The following SIGLEC14 variants were observed in gnomAD, a reference collection of about 807,000 sequenced individuals.
SIGLEC14 encodes sialic acid-binding Ig-like lectin 14.
SIGLEC14 carries 11 observed loss-of-function variants against 34.2 expected under a neutral mutation model. That is an observed-to-expected ratio of 0.32 (90% CI 0.20 to 0.53). The LOEUF is 0.53. Ranked by LOEUF, SIGLEC14 falls within the 20% of genes least tolerant of loss-of-function variation. The pLI, the probability that SIGLEC14 is intolerant of heterozygous loss-of-function variation, is 0.95. For missense variants in SIGLEC14, 264 were observed against 439.0 expected, an observed-to-expected ratio of 0.60 and a Z score of 3.56; for synonymous variants, 99 against 179.7, an observed-to-expected ratio of 0.55 and a Z score of 3.59.
rs1437720936 is a variant in SIGLEC14 at position 51,641,605 on chromosome 19, G to C, written c.*1750C>G. On this transcript the variant is annotated 3_prime_UTR_variant, in exon 7 of 7. Coordinates refer to ENST00000360844, the MANE Select transcript of SIGLEC14 (RefSeq NM_001098612.3). Reference sequence around the variant, plus strand: ...GTACATATACACCATGGAATACTAAGCAGCCATAAAAAAGAATGAGATTAT... The same window carrying C: ...GTACATATACACCATGGAATACTAACCAGCCATAAAAAAGAATGAGATTAT... Among the ~76,000 whole-genome samples the C allele has an allele frequency of 7.2e-6, 1 of 139,582 alleles. No homozygotes were observed. The highest frequency in any genetic ancestry group is 1.5e-5 in the Non-Finnish European group (1 of 65,118). 91.6% of individuals were successfully genotyped at this position (139,582 alleles called of 152,430 possible).
At position 51,643,222 on chromosome 19, in the gene SIGLEC14, G is replaced by A. The variant is rs1443619103; in HGVS notation, c.*133C>T. On this transcript the variant is annotated 3_prime_UTR_variant, in exon 7 of 7. Transcript: ENST00000360844. ...CAAGCAGAGGGGAATAAGTAGAAGG[G>A]GTATGGGGCAGGAAGGAAAAGAGGG... 1 of 853,730 alleles carries A rather than the reference G, an allele frequency of 1.2e-6. No individual in the cohort carries two copies. Among genetic ancestry groups the A allele is most frequent in the South Asian group, 1.5e-5 (1 of 68,926 alleles). The allele number at this position is 853,730 out of a possible 1,614,324, so 52.9% of individuals were successfully genotyped here.
In SIGLEC14 at chr19:51,643,993, C is replaced by A; in HGVS notation, c.798G>T (p.Glu266Asp). 3 of 1,529,092 alleles carry A rather than the reference C, an allele frequency of 2.0e-6. No homozygotes were observed. The highest frequency in any genetic ancestry group is 1.2e-5 in the South Asian group (1 of 82,612). 94.7% of individuals were successfully genotyped at this position (1,529,092 alleles called of 1,614,324 possible). ...LSNGMSVPIQ[E>D]GQSLFLACTV... Reference sequence around the variant, plus strand: ...TGCAGGCGAGGAACAGGGACTGGCCCTCCTGGATGGGCACCGACATGCCAT... The same window carrying A: ...TGCAGGCGAGGAACAGGGACTGGCCATCCTGGATGGGCACCGACATGCCAT... Residue 266 changes from glutamate to aspartate, a missense_variant, in exon 5 of 7, where the codon GAG (glutamate) becomes GAT (aspartate). This residue lies in a region of SIGLEC14 where 149 missense variants were observed against 184.4 expected (regional missense o/e 0.81). Transcript: ENST00000360844.
chr19:51,643,596 C>T lies in SIGLEC14; in HGVS notation c.1089G>A (p.Gly363=). The T allele has an allele frequency of 6.5e-7, 1 of 1,529,950 alleles. No individual in the cohort carries two copies. The highest frequency in any genetic ancestry group is 8.8e-7 in the Non-Finnish European group (1 of 1,140,408). The allele number at this position is 1,529,950 out of a possible 1,614,324, so 94.8% of individuals were successfully genotyped here. ...SWPLVLTLIR[G]ALMGAGFLLT... ...GGAGGAAGCCAGCCCCCATGAGAGC[C>T]CCCCTGATCAGGGTGAGGACGAGGG... Residue 363 remains glycine (G), a synonymous_variant, in exon 6 of 7, where the codon GGG becomes GGA. Coordinates refer to ENST00000360844, the MANE Select transcript of SIGLEC14 (RefSeq NM_001098612.3).
chr19:51,643,487 A>ACCCCCC, intron 6 of SIGLEC14, 50 bp downstream of exon 6: 3 of 1,299,142 alleles, frequency 2.3e-6, no homozygotes, highest in Non-Finnish European at 3.0e-6. Flanking sequence ...AGGACAGCTC[A>ACCCCCC]GCCCCACCTG....
rs200222887 is a variant in SIGLEC14, at chr19:51,646,307, C to T, written c.371G>A (p.Arg124Lys). 1,357 of 1,358,134 alleles carry T rather than the reference C, an allele frequency of 1.0e-3. 328 individuals carry two copies. The African/African-American group carries it at 0.019, about 19-fold the overall frequency. 84.1% of individuals were successfully genotyped at this position (1,358,134 alleles called of 1,614,324 possible). A position where few individuals can be genotyped will look rare whatever the true frequency, so the allele number is the denominator to read the frequency against. The change falls in exon 2 of 7, where the codon AGG becomes AAG. Residue 124 changes from arginine (R) to lysine (K), a missense_variant. By Grantham distance (26) the Arg-to-Lys change is conservative (BLOSUM62 2). Around this residue, in one of 5 missense-constraint regions of SIGLEC14, gnomAD observed 31 missense variants for 67.4 expected, o/e 0.46. Transcript: ENST00000360844. Reference sequence around the variant, plus strand: ...CTGTTGGTAGCTATATTTTACATCCCTTCCTCTCTCCACGCGGAAGAAATA... The same window carrying T: ...CTGTTGGTAGCTATATTTTACATCCTTTCCTCTCTCCACGCGGAAGAAATA... ...GSYFFRVERG[R>K]DVKYSYQQNK...
In SIGLEC14 at chr19:51,640,232, A is replaced by G. The variant is rs1458682087; in HGVS notation, c.*3123T>C. ...AAGTTATAAGCTTTGAATGGGGAAA[A>G]AAAACTACTTGGGAAATGGGATAAA... is the stretch of plus-strand genomic sequence containing the variant. On this transcript the variant is annotated 3_prime_UTR_variant, in exon 7 of 7. Transcript: ENST00000360844. 1.4e-5 allele frequency among the ~76,000 whole-genome samples: 2 copies of G among 139,742 alleles called. 1 individual carries two copies. Among genetic ancestry groups the G allele is most frequent in the South Asian group, 4.8e-4 (2 of 4,168 alleles). 91.7% of individuals were successfully genotyped at this position (139,742 alleles called of 152,430 possible).
At chr19:51,644,705 G>A (rs1017538716) in intron 4 of SIGLEC14, among the ~76,000 whole-genome samples, 2 of 137,838 alleles carry the variant, frequency 1.5e-5, no homozygotes, top group Non-Finnish European at 3.1e-5. Flanking sequence ...GAGAAAGGGT[G>A]CTGTCTACAG....
At position 51,646,222 on chromosome 19, in the gene SIGLEC14, C is replaced by T; in HGVS notation, c.421+35G>A. 2.1e-6 allele frequency: 3 copies of T among 1,424,146 alleles called. 1 individual carries two copies. Among genetic ancestry groups the T allele is most frequent in the Non-Finnish European group, 2.8e-6 (3 of 1,071,144 alleles). The allele number at this position is 1,424,146 out of a possible 1,614,324, so 88.2% of individuals were successfully genotyped here. A position where few individuals can be genotyped will look rare whatever the true frequency, so the allele number is the denominator to read the frequency against. On this transcript the variant is annotated intron_variant, in intron 2 of 6. Coordinates refer to ENST00000360844, the MANE Select transcript of SIGLEC14 (RefSeq NM_001098612.3). ...CCCTGTTCTCATACGGGGGTCTCCA[C>T]GTCCCAGGGTCCTCTCCTAGGGTTC...
At position 51,642,352 on chromosome 19, in the gene SIGLEC14, T is replaced by C. The variant is rs1282367229; in HGVS notation, c.*1003A>G. ...TAAAGCAAATATGTTTGGTTCCAGT[T>C]ATACGATGCACAGAACCTGACAATA... On this transcript the variant is annotated 3_prime_UTR_variant, in exon 7 of 7. Transcript: ENST00000360844. 7.2e-6 allele frequency among the ~76,000 whole-genome samples: 1 copy of C among 138,862 alleles called. No homozygotes were observed. Among genetic ancestry groups the C allele is most frequent in the African/African-American group, 2.7e-5 (1 of 36,486 alleles). 91.1% of individuals were successfully genotyped at this position (138,862 alleles called of 152,430 possible).
At chr19:51,644,624 G>C (rs10426897) in intron 4 of SIGLEC14, among the ~76,000 whole-genome samples, 67,677 of 135,192 alleles carry the variant, frequency 0.5, 22,815 homozygotes, top group Non-Finnish European at 0.61. Context: ...CTGGAACCAA[G>C]GGGATGAGGA....
At position 51,641,196 on chromosome 19, in the gene SIGLEC14, A is replaced by G. The variant is rs930964465; in HGVS notation, c.*2159T>C. 1.3e-4 allele frequency among the ~76,000 whole-genome samples: 18 copies of G among 138,836 alleles called. 1 individual carries two copies. Among genetic ancestry groups the G allele is most frequent in the Non-Finnish European group, 2.3e-4 (15 of 64,922 alleles). 91.1% of individuals were successfully genotyped at this position (138,836 alleles called of 152,430 possible). ...GTTACCAGCTATAAAACTGAACACC[A>G]TTGGACAACTATGTCTAATTGCCAT... On this transcript the variant is annotated 3_prime_UTR_variant, in exon 7 of 7. Transcript: ENST00000360844.
At position 51,639,499 on chromosome 19, in the gene SIGLEC14, T is replaced by G. The variant is rs1401634157; in HGVS notation, c.*3856A>C. On this transcript the variant is annotated 3_prime_UTR_variant, in exon 7 of 7. Transcript: ENST00000360844. ...TGGGTGATTTATAAACAACAGAAATTTATTTCTCATAATTCTGGAGGTCGG... is the reference window on the plus strand; with the variant it reads ...TGGGTGATTTATAAACAACAGAAATGTATTTCTCATAATTCTGGAGGTCGG... 2 of 139,652 alleles carry G rather than the reference T, an allele frequency of 1.4e-5. 1 individual carries two copies. The highest frequency in any genetic ancestry group is 3.1e-5 in the Non-Finnish European group (2 of 65,010). The allele number at this position is 139,652 out of a possible 1,614,324, so 8.7% of individuals were successfully genotyped here.
In SIGLEC14 at chr19:51,640,643, A is replaced by G. The variant is rs750440806; in HGVS notation, c.*2712T>C. Among the ~76,000 whole-genome samples the G allele has an allele frequency of 7.1e-6, 1 of 140,026 alleles. No homozygotes were observed. The highest frequency in any genetic ancestry group is 1.5e-5 in the Non-Finnish European group (1 of 65,174). 91.9% of individuals were successfully genotyped at this position (140,026 alleles called of 152,430 possible). On this transcript the variant is annotated 3_prime_UTR_variant, in exon 7 of 7. Coordinates refer to ENST00000360844, the MANE Select transcript of SIGLEC14 (RefSeq NM_001098612.3). Reference sequence around the variant, plus strand: ...AGACAAAGTACACTTAAGAGCAAAGAAAATCACAGGAACAAAAAGTGATGT... The same window carrying G: ...AGACAAAGTACACTTAAGAGCAAAGGAAATCACAGGAACAAAAAGTGATGT...
Position 51,646,254 on chromosome 19 carries a change from T to C in SIGLEC14, c.421+3A>G. ...GGGTCCTCTCCTAGGGTTCCTGCCA[T>C]ACCTGTCACCTCCAAGTTCAGCTTA... On this transcript the variant is annotated splice_donor_region_variant and intron_variant, in intron 2 of 6. Transcript: ENST00000360844. The C allele has an allele frequency of 7.0e-7, 1 of 1,418,804 alleles. No individual in the cohort carries two copies. The highest frequency in any genetic ancestry group is 9.4e-7 in the Non-Finnish European group (1 of 1,069,074). 87.9% of individuals were successfully genotyped at this position (1,418,804 alleles called of 1,614,324 possible).
rs764843763 is a variant in SIGLEC14 at position 51,643,892 on chromosome 19, A to G, written c.899T>C (p.Met300Thr). Reference protein sequence around the residue: ...GKALNPSQTSMSGTLELPNIG... With the variant: ...GKALNPSQTSTSGTLELPNIG... ...GTTAGGCAGCTCCAGGGTCCCAGACATTGAGGTCTGGGAAGGATTGAGGGC... is the reference window on the plus strand; with the variant it reads ...GTTAGGCAGCTCCAGGGTCCCAGACGTTGAGGTCTGGGAAGGATTGAGGGC... The change falls in exon 5 of 7, where the codon ATG becomes ACG. Residue 300 changes from methionine (M) to threonine (T), a missense_variant. By Grantham distance (81) the Met-to-Thr change is moderately conservative (BLOSUM62 -1). This residue lies in a region of SIGLEC14 where 149 missense variants were observed against 184.4 expected (regional missense o/e 0.81). Transcript: ENST00000360844. 3.9e-6 allele frequency: 6 copies of G among 1,533,902 alleles called. No homozygotes were observed. The Middle Eastern group carries it at 6.8e-4, about 174-fold the overall frequency.
At position 51,640,268 on chromosome 19, in the gene SIGLEC14, T is replaced by C. The variant is rs951580522; in HGVS notation, c.*3087A>G. Among the ~76,000 whole-genome samples, 5 of 139,020 alleles carry C rather than the reference T, an allele frequency of 3.6e-5. 1 individual carries two copies. The highest frequency in any genetic ancestry group is 1.1e-4 in the African/African-American group (4 of 36,596). 91.2% of individuals were successfully genotyped at this position (139,020 alleles called of 152,430 possible). ...GGGAAATGGGATAAAAGAAAATAGA[T>C]TCTGGAACGGGAGTCAATATTTGGG... On this transcript the variant is annotated 3_prime_UTR_variant, in exon 7 of 7. Coordinates refer to ENST00000360844, the MANE Select transcript of SIGLEC14 (RefSeq NM_001098612.3).
In SIGLEC14 at chr19:51,645,605, A is replaced by G. The variant is rs1984016575; in HGVS notation, c.701-75T>C. ...GCGTGGTCCCGGGAGGGACCCAAGGAGGGGCCACAGAAACCCACCAGGTGG... is the reference window on the plus strand; with the variant it reads ...GCGTGGTCCCGGGAGGGACCCAAGGGGGGGCCACAGAAACCCACCAGGTGG... On this transcript the variant is annotated intron_variant, in intron 3 of 6. Transcript: ENST00000360844. 4.8e-6 allele frequency: 7 copies of G among 1,470,354 alleles called. 1 individual carries two copies. Among genetic ancestry groups the G allele is most frequent in the Non-Finnish European group, 6.4e-6 (7 of 1,088,096 alleles). The allele number at this position is 1,470,354 out of a possible 1,614,324, so 91.1% of individuals were successfully genotyped here.
At position 51,642,019 on chromosome 19, in the gene SIGLEC14, TAAAA is replaced by T. The variant is rs1214953349; in HGVS notation, c.*1332_*1335del. Among the ~76,000 whole-genome samples, 2 of 139,082 alleles carry T rather than the reference TAAAA, an allele frequency of 1.4e-5. No individual in the cohort carries two copies. Among genetic ancestry groups the T allele is most frequent in the African/African-American group, 5.5e-5 (2 of 36,622 alleles). The allele number at this position is 139,082 out of a possible 152,430, so 91.2% of individuals were successfully genotyped here. ...AAAGTAGTAACAATTTGTTTAAAAA[TAAAA>T]AACCAGTAAAATCTGCAATCACTTA... On this transcript the variant is annotated 3_prime_UTR_variant, in exon 7 of 7. Transcript: ENST00000360844.
At chr19:51,643,449 T>C in intron 6 of SIGLEC14, 52 bp from the exon 7 acceptor site, 1 of 1,357,076 alleles carries the variant, frequency 7.4e-7, no homozygotes, top group Non-Finnish European at 9.6e-7. Context: ...CAGTTCTAAT[T>C]CCAGGTGGGG....
Sources: allele counts gnomAD v4.1 joint callset (sites outside exome capture counted in the v4.1 genomes callset), GRCh38; gene constraint gnomAD v4.1.1; regional missense constraint gnomAD v4.1.1; transcripts MANE v1.5; gene names NCBI Gene and HGNC (gene_info 2026-07-23, HGNC 2026-07-21).